Variants in TTLL5 observed in about 807,000 individuals in gnomAD.
TTLL5 encodes the protein tubulin tyrosine ligase like 5.
In TTLL5, 132 loss-of-function variants were observed where a neutral mutation model predicts 168.4. The ratio of observed to expected loss-of-function variants is 0.78; its 90% CI spans 0.68 to 0.91. The LOEUF is 0.91. Ranked by LOEUF, TTLL5 falls within the 40% of genes least tolerant of loss-of-function variation. The probability of loss-of-function intolerance (pLI) is 0.00; values close to 1 mark genes in which losing one functional copy is unlikely to be tolerated. For missense variants in TTLL5, 1,545 were observed against 1,581.5 expected (o/e 0.98, Z 0.39); for synonymous variants, 546 against 558.6 (o/e 0.98, Z 0.32).
chr14:75,732,773 G>A (rs117876522), intron 13 of TTLL5, among the ~76,000 whole-genome samples: 1 of 152,164 alleles, frequency 6.6e-6, no homozygotes, highest in East Asian at 1.9e-4. Flanking sequence ...AGTTTTACAG[G>A]TTCAAATCCA....
At chr14:75,859,677 A>G (rs1425365039) in intron 28 of TTLL5, among the ~76,000 whole-genome samples, 1 of 152,196 alleles carries the variant, frequency 6.6e-6, no homozygotes, top group East Asian at 1.9e-4. Context: ...AAAAAACATT[A>G]TTAGAAAAAT....
At chr14:75,771,891 T>G (rs747830509) in intron 21 of TTLL5, 37 bp downstream of exon 21, 10 of 1,563,192 alleles carry the variant, frequency 6.4e-6, no homozygotes, top group Non-Finnish European at 8.6e-6. Context: ...TTACTTTCCC[T>G]TTTTCTTTCT....
chr14:75,939,343 A>C (rs2034526451), intron 31 of TTLL5, among the ~76,000 whole-genome samples: 1 of 152,226 alleles, frequency 6.6e-6, no homozygotes, highest in Non-Finnish European at 1.5e-5. Flanking sequence ...TCAGAAAAAA[A>C]GTTTGAAAGT....
At chr14:75,820,208 C>G (rs1894746813) in intron 28 of TTLL5, 47 bp downstream of exon 28, 3 of 1,506,150 alleles carry the variant, frequency 2.0e-6, no homozygotes, top group East Asian at 2.5e-5. Flanking sequence ...TCAGGGATGG[C>G]CTGTGTCCCA....
At chr14:75,816,015 T>G (rs1314569153) in intron 27 of TTLL5, among the ~76,000 whole-genome samples, 1 of 152,262 alleles carries the variant, frequency 6.6e-6, no homozygotes, top group African/African-American at 2.4e-5. Flanking sequence ...CACTCTCTGT[T>G]CTGTCTTGGC....
chr14:75,828,822 T>C (rs1182316265), intron 28 of TTLL5, among the ~76,000 whole-genome samples: 8 of 152,186 alleles, frequency 5.3e-5, no homozygotes, highest in Admixed American at 3.3e-4. Flanking sequence ...ATTTAGTAAA[T>C]TAAAATATGT....
intron 3 of TTLL5, among the ~76,000 whole-genome samples, chr14:75,675,505 G>A (rs1260011137): frequency 6.6e-6 from 1 of 152,172 alleles, no homozygotes; most frequent in African/African-American, 2.4e-5. Flanking sequence ...TGAGTGGTTG[G>A]AGAAGAGGAA....
chr14:75,924,147 C>T (rs574974086), intron 31 of TTLL5, among the ~76,000 whole-genome samples: 19 of 151,694 alleles, frequency 1.3e-4, no homozygotes, highest in Admixed American at 2.0e-4. Context: ...CTTAATACAG[C>T]ACACTGATGG....
At chr14:75,759,574 A>G (rs1324486428) in intron 18 of TTLL5, among the ~76,000 whole-genome samples, 1 of 152,118 alleles carries the variant, frequency 6.6e-6, no homozygotes, top group Non-Finnish European at 1.5e-5. Flanking sequence ...AGACATTAAA[A>G]TAGAAGAAGA....
intron 21 of TTLL5, among the ~76,000 whole-genome samples, chr14:75,772,449 C>T (rs2140310260): frequency 6.6e-6 from 1 of 152,300 alleles, no homozygotes; most frequent in Non-Finnish European, 1.5e-5. Flanking sequence ...ATACCATCCT[C>T]CAAGTTGGTA....
At chr14:75,668,805 C>T (rs1236236647) in intron 2 of TTLL5, among the ~76,000 whole-genome samples, 1 of 152,118 alleles carries the variant, frequency 6.6e-6, no homozygotes, top group Non-Finnish European at 1.5e-5. Flanking sequence ...ATTGTGAACT[C>T]ATCAGTTAGG....
intron 6 of TTLL5, among the ~76,000 whole-genome samples, chr14:75,694,964 G>A (rs12147363): frequency 0.04 from 6,157 of 152,236 alleles, 149 homozygotes; most frequent in African/African-American, 0.057. Context: ...TAAAGCATGT[G>A]TTTAAACAAT....
chr14:75,864,914 ATCTTT>A (rs1431336701), intron 29 of TTLL5, among the ~76,000 whole-genome samples: 1 of 152,186 alleles, frequency 6.6e-6, no homozygotes, highest in Non-Finnish European at 1.5e-5. Context: ...AGTCTGTCTT[ATCTTT>A]TCAACTACCA....
rs75586026 is a variant in TTLL5 at position 75,903,198 on chromosome 14, G to A, written c.3823+974G>A. ...AGTCTCACAACTAGTAAGCAGTGGG[G>A]CATATTTGAACCTAAGCAGTCGAGC... On this transcript the variant is annotated intron_variant, in intron 31 of 31. Coordinates refer to ENST00000298832, the MANE Select transcript of TTLL5 (RefSeq NM_015072.5). 9.2e-5 allele frequency among the ~76,000 whole-genome samples: 14 copies of A among 152,230 alleles called. No individual in the cohort carries two copies. In the East Asian group the frequency reaches 2.1e-3, roughly 23 times the overall value.
intron 18 of TTLL5, among the ~76,000 whole-genome samples, chr14:75,758,090 T>C (rs1452861784): frequency 6.6e-6 from 1 of 152,254 alleles, no homozygotes; most frequent in Non-Finnish European, 1.5e-5. Context: ...TAACTGAAGA[T>C]GGTATTCTCG....
chr14:75,839,794 G>A (rs939769261), intron 28 of TTLL5, among the ~76,000 whole-genome samples: 1 of 152,150 alleles, frequency 6.6e-6, no homozygotes, highest in African/African-American at 2.4e-5. Context: ...CTGTAGTTTT[G>A]ATATGCATTT....
chr14:75,891,817 T>G (rs1030849159), intron 30 of TTLL5, among the ~76,000 whole-genome samples: 15 of 152,226 alleles, frequency 9.9e-5, no homozygotes, highest in African/African-American at 3.6e-4. Flanking sequence ...TTCCTTGGCT[T>G]AACTAACTTT....
chr14:75,930,655 CG>C (rs1313648394), intron 31 of TTLL5: 1 of 984,848 alleles, frequency 1.0e-6, no homozygotes, highest in Non-Finnish European at 1.2e-6. Flanking sequence ...AGATAAGTGA[CG>C]GGGGGAAATG....
intron 5 of TTLL5, among the ~76,000 whole-genome samples, chr14:75,687,429 G>A (rs1002941795): frequency 1.3e-5 from 2 of 151,894 alleles, no homozygotes; most frequent in Non-Finnish European, 2.9e-5. Flanking sequence ...ATGCACTACG[G>A]CTGGCTGATT....
Sources: allele counts gnomAD v4.1 joint callset (sites outside exome capture counted in the v4.1 genomes callset), GRCh38; gene constraint gnomAD v4.1.1; transcripts MANE v1.5; gene names NCBI Gene and HGNC (gene_info 2026-07-23, HGNC 2026-07-21).